Variants in GABBR2 observed in about 807,000 individuals in gnomAD.
GABBR2 encodes the protein G-protein coupled receptor 51.
GABBR2 carries 23 observed loss-of-function variants against 105.6 expected under a neutral mutation model. That is an observed-to-expected ratio of 0.22 (90% CI 0.16 to 0.31). The LOEUF (loss-of-function observed/expected upper bound fraction) is 0.31. GABBR2 is among the 10% of genes least tolerant of loss of function. GABBR2 has a pLI of 1.00. For missense variants in GABBR2, 734 were observed against 1,245.5 expected, an observed-to-expected ratio of 0.59 and a Z score of 6.18; for synonymous variants, 478 against 499.7, an observed-to-expected ratio of 0.96 and a Z score of 0.58.
At chr9:98,458,421 C>G (rs183483579) in intron 6 of GABBR2, among the ~76,000 whole-genome samples, 1 of 152,150 alleles carries the variant, frequency 6.6e-6, no homozygotes. Context: ...GCAGATGCCA[C>G]GGCTGGGCAC....
intron 4 of GABBR2, among the ~76,000 whole-genome samples, chr9:98,492,009 T>C (rs1456502124): frequency 2.6e-5 from 4 of 152,090 alleles, no homozygotes; most frequent in African/African-American, 9.7e-5. Flanking sequence ...CAGTGCAGAA[T>C]ACCTCCCAGT....
chr9:98,673,461 G>A (rs1588277738), intron 1 of GABBR2, among the ~76,000 whole-genome samples: 1 of 152,126 alleles, frequency 6.6e-6, no homozygotes, highest in East Asian at 1.9e-4. Flanking sequence ...ATCTTAGAAG[G>A]TGGAATGTGA....
intron 1 of GABBR2, among the ~76,000 whole-genome samples, chr9:98,671,461 G>A (rs190172070): frequency 6.6e-6 from 1 of 152,156 alleles, no homozygotes; most frequent in South Asian, 2.1e-4. Context: ...CTATGAACAT[G>A]AATGTACAAG....
At chr9:98,312,266 T>C (rs1830647452) in intron 13 of GABBR2, among the ~76,000 whole-genome samples, 1 of 152,258 alleles carries the variant, frequency 6.6e-6, no homozygotes. Flanking sequence ...TACGTGTCTT[T>C]GGTTTCCTTT....
rs781615280 is a variant in GABBR2 at position 98,549,023 on chromosome 9, C to T, written c.460-6980G>A. On this transcript the variant is annotated intron_variant, in intron 2 of 18. Coordinates refer to ENST00000259455, the MANE Select transcript of GABBR2 (RefSeq NM_005458.8). ...CAATCTCAGGTCACTGCAACCTCCG[C>T]CTCCCGATTGTTCAAGCGATTCTCC... Among the ~76,000 whole-genome samples the T allele has an allele frequency of 1.3e-4, 16 of 121,786 alleles. 3 individuals carry two copies. The highest frequency in any genetic ancestry group is 1.2e-3 in the Admixed American group (13 of 11,176). The allele number at this position is 121,786 out of a possible 152,430, so 79.9% of individuals were successfully genotyped here. A position where few individuals can be genotyped will look rare whatever the true frequency, so the allele number is the denominator to read the frequency against.
In GABBR2 at chr9:98,547,260, C is replaced by A. The variant is rs1476008348; in HGVS notation, c.460-5217G>T. ...GTATTTCCAACTCAGTAAAAAAAAA[C>A]CTAATATATATATATAAAATGACTA... On this transcript the variant is annotated intron_variant, in intron 2 of 18. Transcript: ENST00000259455. 2.6e-5 allele frequency among the ~76,000 whole-genome samples: 3 copies of A among 115,326 alleles called. 1 individual carries two copies. The highest frequency in any genetic ancestry group is 5.5e-5 in the African/African-American group (2 of 36,430). The allele number at this position is 115,326 out of a possible 152,430, so 75.7% of individuals were successfully genotyped here. A position where few individuals can be genotyped will look rare whatever the true frequency, so the allele number is the denominator to read the frequency against.
intron 17 of GABBR2, among the ~76,000 whole-genome samples, chr9:98,294,275 T>A (rs1007078615): frequency 6.6e-6 from 1 of 152,168 alleles, no homozygotes; most frequent in Non-Finnish European, 1.5e-5. Flanking sequence ...ACCTCCAAGG[T>A]ATATTTTTCA....
chr9:98,696,417 A>C (rs1189891708), intron 1 of GABBR2, among the ~76,000 whole-genome samples: 1 of 152,156 alleles, frequency 6.6e-6, no homozygotes, highest in Non-Finnish European at 1.5e-5. Flanking sequence ...CCACCCCAAG[A>C]ACAATGGTGA....
intron 3 of GABBR2, among the ~76,000 whole-genome samples, chr9:98,533,459 C>A (rs1275539391): frequency 1.3e-5 from 2 of 152,190 alleles, no homozygotes; most frequent in African/African-American, 4.8e-5. Context: ...ATCCCAGGAA[C>A]AGGTGGACTC....
In GABBR2 at chr9:98,362,800, C is replaced by T; in HGVS notation, c.1808G>A (p.Gly603Asp). ...KDQKLLVIVG[G>D]MLLIDLCILI... ...GATACACAGGTCGATCAGCAGCATG[C>T]CCCCCACGATCACAAGCAGTTTCTG... The change falls in exon 13 of 19, where the codon GGC (glycine) becomes GAC (aspartate). Residue 603 changes from glycine to aspartate, a missense_variant. Transcript: ENST00000259455. The T allele has an allele frequency of 6.3e-7, 1 of 1,596,722 alleles. No homozygotes were observed. The highest frequency in any genetic ancestry group is 8.5e-7 in the Non-Finnish European group (1 of 1,171,922).
At chr9:98,393,258 T>A (rs982053632) in intron 9 of GABBR2, among the ~76,000 whole-genome samples, 2 of 148,482 alleles carry the variant, frequency 1.3e-5, no homozygotes, top group Non-Finnish European at 3.0e-5. Flanking sequence ...TACCTGTCCA[T>A]CTATCCACTC....
At chr9:98,439,969 C>A (rs1826001758) in intron 7 of GABBR2, among the ~76,000 whole-genome samples, 1 of 152,194 alleles carries the variant, frequency 6.6e-6, no homozygotes, top group African/African-American at 2.4e-5. Context: ...CTCTTTAGGG[C>A]CAAAGCACCA....
At chr9:98,453,867 T>A in intron 7 of GABBR2, 114 bp downstream of exon 7, 1 of 780,104 alleles carries the variant, frequency 1.3e-6, no homozygotes. Flanking sequence ...CAATTAGTTA[T>A]TTCAATGATC....
At chr9:98,507,543 T>A (rs995312434) in intron 3 of GABBR2, among the ~76,000 whole-genome samples, 3 of 152,180 alleles carry the variant, frequency 2.0e-5, no homozygotes, top group African/African-American at 7.2e-5. Context: ...GAACTTCTGA[T>A]CTTCAGAACT....
At chr9:98,647,350 G>C (rs543978882) in intron 1 of GABBR2, among the ~76,000 whole-genome samples, 9 of 152,146 alleles carry the variant, frequency 5.9e-5, no homozygotes, top group African/African-American at 1.9e-4. Flanking sequence ...TTCTTTCTCC[G>C]ACACTTCCTC....
intron 13 of GABBR2, among the ~76,000 whole-genome samples, chr9:98,332,391 C>G (rs1831043619): frequency 6.6e-6 from 1 of 152,162 alleles, no homozygotes. Context: ...TGACCTCCTT[C>G]TATGTGCCAG....
At chr9:98,527,161 T>C (rs1224011433) in intron 3 of GABBR2, among the ~76,000 whole-genome samples, 1 of 150,334 alleles carries the variant, frequency 6.7e-6, no homozygotes, top group Non-Finnish European at 1.5e-5. Context: ...TTGGACACTG[T>C]TCTAAGCCCT....
chr9:98,668,145 C>T (rs1028079876), intron 1 of GABBR2, among the ~76,000 whole-genome samples: 2 of 152,202 alleles, frequency 1.3e-5, no homozygotes, highest in East Asian at 1.9e-4. Context: ...TCCCTCCTAC[C>T]GTCCGTCCTC....
intron 2 of GABBR2, among the ~76,000 whole-genome samples, chr9:98,566,628 T>C (rs568745090): frequency 6.6e-6 from 1 of 151,986 alleles, no homozygotes; most frequent in East Asian, 1.9e-4. Flanking sequence ...TGAGCCGAGA[T>C]TGTGCCACTG....
Sources: allele counts gnomAD v4.1 joint callset (sites outside exome capture counted in the v4.1 genomes callset), GRCh38; gene constraint gnomAD v4.1.1; transcripts MANE v1.5; gene names NCBI Gene and HGNC (gene_info 2026-07-23, HGNC 2026-07-21).